AZIN2: variants seen among roughly 807,000 people sequenced by gnomAD.
The protein encoded by AZIN2 is antizyme inhibitor 2.
A neutral mutation model predicts 47.8 loss-of-function variants in AZIN2; 28 were observed. The ratio of observed to expected loss-of-function variants is 0.59; its 90% confidence interval spans 0.43 to 0.80. The LOEUF is 0.80. Among genes scored for constraint, AZIN2 ranks in the 30% least tolerant of loss-of-function variants. The probability of loss-of-function intolerance (pLI) is 0.00; values close to 1 mark genes in which losing one functional copy is unlikely to be tolerated. For synonymous variants in AZIN2, 221 were observed against 239.4 expected (o/e 0.92, Z 0.71); for missense variants, 535 against 582.5 (o/e 0.92, Z 0.84).
rs781397317 is a variant in AZIN2 at position 33,120,028 on chromosome 1, CCT to C, written c.1245-10_1245-9del. ...TCCCATGCTGGCTACTTGCAGCACC[CCT>C]CTCTCACCCCTAGGGAAGCGCTGCG... is the stretch of plus-strand genomic sequence containing the variant. On this transcript the variant is annotated splice_polypyrimidine_tract_variant and intron_variant, in intron 11 of 11. Coordinates refer to ENST00000294517, the MANE Select transcript of AZIN2 (RefSeq NM_052998.4). 58 of 1,613,402 alleles carry C rather than the reference CCT, an allele frequency of 3.6e-5. No homozygotes were observed. The highest frequency in any genetic ancestry group is 4.3e-5 in the Non-Finnish European group (51 of 1,179,880).
intron 6 of AZIN2, among the ~76,000 whole-genome samples, chr1:33,092,983 C>T (rs1464881003): frequency 3.9e-5 from 6 of 152,174 alleles, no homozygotes; most frequent in East Asian, 3.9e-4. Context: ...CTCTCATACA[C>T]GACAAGTTTG....
chr1:33,107,182 G>A (rs540013215), intron 10 of AZIN2, among the ~76,000 whole-genome samples: 36 of 152,262 alleles, frequency 2.4e-4, no homozygotes, highest in African/African-American at 8.2e-4. Flanking sequence ...TACTTAGGAG[G>A]CTGAGGCATG....
chr1:33,114,652 CTT>C (rs35317929), intron 10 of AZIN2, among the ~76,000 whole-genome samples: 1 of 79,880 alleles, frequency 1.3e-5, no homozygotes, highest in Non-Finnish European at 2.3e-5. Flanking sequence ...CGCGACCCGC[CTT>C]TTTTTTTTTT....
intron 9 of AZIN2, 68 bp downstream of exon 9, chr1:33,096,937 G>C: frequency 6.3e-7 from 1 of 1,598,918 alleles, no homozygotes; most frequent in Non-Finnish European, 8.6e-7. Flanking sequence ...GGCTGAGCAG[G>C]ATCTGGTTTT....
chr1:33,082,340 TCA>T lies in AZIN2; in HGVS notation c.94_95del (p.Gln32GlyfsTer13). 1 of 1,613,542 alleles carries T rather than the reference TCA, an allele frequency of 6.2e-7. No individual in the cohort carries two copies. The highest frequency in any genetic ancestry group is 8.5e-7 in the Non-Finnish European group (1 of 1,179,744). On this transcript the variant is annotated frameshift_variant, in exon 4 of 12. Coordinates refer to ENST00000294517, the MANE Select transcript of AZIN2 (RefSeq NM_052998.4). LOFTEE classifies it high-confidence loss of function. ...DLLKELTLGA[S>X]QATTDEVAAF... ...GCTGAAGGAACTCACTCTGGGGGCC[TCA>T]CAGGCCACCACGGTGAGGGGCTGGG...
downstream of AZIN2, among the ~76,000 whole-genome samples, chr1:33,125,849 C>T (rs1317924958): frequency 6.6e-6 from 1 of 152,046 alleles, no homozygotes; most frequent in Non-Finnish European, 1.5e-5. Flanking sequence ...ATGTAATGTT[C>T]TCAGTGAGAA....
chr1:33,133,983 C>G, the AZIN2 span, among the ~76,000 whole-genome samples: 1 of 152,216 alleles, frequency 6.6e-6, no homozygotes, highest in African/African-American at 2.4e-5. Flanking sequence ...GCTGTTACCA[C>G]TTACCAGCTG....
At position 33,121,499 on chromosome 1, in the gene AZIN2, T is replaced by A. The variant is rs1570245733; in HGVS notation, c.*1317T>A. Among the ~76,000 whole-genome samples the A allele has an allele frequency of 6.6e-6, 1 of 151,698 alleles. No individual in the cohort carries two copies. Reference sequence around the variant, plus strand: ...AATCACTTGAACAGGGAGGTGGAGGTCGCAGTGAGCCGAGGTTGCAGTGAG... The same window carrying A: ...AATCACTTGAACAGGGAGGTGGAGGACGCAGTGAGCCGAGGTTGCAGTGAG... On this transcript the variant is annotated 3_prime_UTR_variant, in exon 12 of 12. Transcript: ENST00000294517.
rs140856377 is a variant in AZIN2, at chr1:33,108,708, A to G, written c.1030-9194A>G. 4.2e-3 allele frequency among the ~76,000 whole-genome samples: 633 copies of G among 152,198 alleles called. 11 individuals are homozygous for G. The highest frequency in any genetic ancestry group is 0.015 in the African/African-American group (605 of 41,520). On this transcript the variant is annotated intron_variant, in intron 10 of 11. Coordinates refer to ENST00000294517, the MANE Select transcript of AZIN2 (RefSeq NM_052998.4). ...CATTCCTTTCATGGCTTGATAGCTC[A>G]TTTCTTTTTAGCACTGAATAATATT... is the stretch of plus-strand genomic sequence containing the variant.
In AZIN2 at chr1:33,084,127, G is replaced by A. The variant is rs768680264; in HGVS notation, c.279G>A (p.Lys93=). 3.7e-6 allele frequency: 6 copies of A among 1,609,108 alleles called. No individual in the cohort carries two copies. Among genetic ancestry groups the A allele is most frequent in the Non-Finnish European group, 5.1e-6 (6 of 1,179,986 alleles). The change falls in exon 5 of 12, where the codon AAG becomes AAA. Residue 93 remains lysine, a splice_region_variant and synonymous_variant. Coordinates refer to ENST00000294517, the MANE Select transcript of AZIN2 (RefSeq NM_052998.4). The stretch of plus-strand genomic sequence containing the variant: ...GGCTGGGCTTTAGCTGTGCCAACAA[G>A]GTGAGCCCTGCCCGCACGGTGCACT... The part of the protein sequence containing the change: ...QLGLGFSCAN[K]AEMELVQHIG...
intron 5 of AZIN2, among the ~76,000 whole-genome samples, chr1:33,088,599 CT>C (rs1642199133): frequency 6.6e-6 from 1 of 152,202 alleles, no homozygotes; most frequent in Admixed American, 6.5e-5. Flanking sequence ...AGCTCTGCCC[CT>C]CTCCCTCTGA....
the AZIN2 span, chr1:33,160,055 G>A: frequency 7.2e-7 from 1 of 1,393,134 alleles, no homozygotes. Context: ...GGTGGGAAAG[G>A]GCACGCGTGG....
At chr1:33,099,403 G>A (rs550706115) in intron 10 of AZIN2, among the ~76,000 whole-genome samples, 1 of 152,294 alleles carries the variant, frequency 6.6e-6, no homozygotes, top group Non-Finnish European at 1.5e-5. Flanking sequence ...GGAATGCTGA[G>A]CTCTCTACTC....
chr1:33,131,840 A>C, the AZIN2 span, among the ~76,000 whole-genome samples: 1 of 152,110 alleles, frequency 6.6e-6, no homozygotes, highest in Non-Finnish European at 1.5e-5. Flanking sequence ...TACCAACTTT[A>C]TCTCTCTCAG....
At chr1:33,128,779 G>T in the AZIN2 span, among the ~76,000 whole-genome samples, 2 of 152,174 alleles carry the variant, frequency 1.3e-5, no homozygotes, top group Non-Finnish European at 2.9e-5. Context: ...AGAATGGATG[G>T]CTTCAAGATC....
chr1:33,118,333 GCAGA>G, intron 11 of AZIN2: 1 of 485,244 alleles, frequency 2.1e-6, no homozygotes, highest in Non-Finnish European at 3.5e-6. Context: ...GCACAGAGAA[GCAGA>G]CAGGCCCTTG....
chr1:33,115,273 G>C (rs1644487332), intron 10 of AZIN2, among the ~76,000 whole-genome samples: 1 of 152,162 alleles, frequency 6.6e-6, no homozygotes, highest in South Asian at 2.1e-4. Context: ...TCTCACAGAG[G>C]GGCCTAGTGG....
rs187702192 is a variant in AZIN2, at chr1:33,091,120, G to A, written c.280-930G>A. ...TGTGATGGACACTTAGGTGGCTTGC[G>A]TATCTTGGCGATTGTGGATAATGCT... On this transcript the variant is annotated intron_variant, in intron 5 of 11. Transcript: ENST00000294517. Among the ~76,000 whole-genome samples the A allele has an allele frequency of 2.0e-3, 310 of 152,278 alleles. 1 individual carries two copies. The highest frequency in any genetic ancestry group is 7.0e-3 in the African/African-American group (291 of 41,540).
intron 10 of AZIN2, among the ~76,000 whole-genome samples, chr1:33,099,001 A>G (rs1310601314): frequency 6.6e-6 from 1 of 151,568 alleles, no homozygotes; most frequent in Non-Finnish European, 1.5e-5. Flanking sequence ...TTGACCTCAA[A>G]TCATCCACCA....
Sources: allele counts gnomAD v4.1 joint callset (sites outside exome capture counted in the v4.1 genomes callset), GRCh38; gene constraint gnomAD v4.1.1; transcripts MANE v1.5; gene names NCBI Gene and HGNC (gene_info 2026-07-23, HGNC 2026-07-21).